Variants in ARHGEF26 observed in about 807,000 individuals in gnomAD.
The protein encoded by ARHGEF26 is Rho guanine nucleotide exchange factor (GEF) 26.
A neutral mutation model predicts 89.4 loss-of-function variants in ARHGEF26; 59 were observed. The ratio of observed to expected loss-of-function variants is 0.66; its 90% CI spans 0.54 to 0.82. The LOEUF is 0.82. ARHGEF26 is among the 40% of genes least tolerant of loss of function. ARHGEF26 has a pLI of 0.00. For synonymous variants in ARHGEF26, 500 were observed against 428.4 expected, an observed-to-expected ratio of 1.17 and a Z score of -2.06; for missense variants, 1,234 against 1,085.6, an observed-to-expected ratio of 1.14 and a Z score of -1.92.
At chr3:154,211,233 C>G (rs898967887) in intron 9 of ARHGEF26, among the ~76,000 whole-genome samples, 1 of 152,130 alleles carries the variant, frequency 6.6e-6, no homozygotes, top group African/African-American at 2.4e-5. Flanking sequence ...CTAATTGTCA[C>G]AGTCCTTATG....
chr3:154,166,970 C>T (rs1712081429), intron 6 of ARHGEF26, among the ~76,000 whole-genome samples: 1 of 152,102 alleles, frequency 6.6e-6, no homozygotes, highest in Non-Finnish European at 1.5e-5. Context: ...ACTGTATGCA[C>T]CAGTACCTAT....
chr3:154,218,422 AT>A (rs1430175732), intron 10 of ARHGEF26, among the ~76,000 whole-genome samples: 1 of 152,116 alleles, frequency 6.6e-6, no homozygotes, highest in Non-Finnish European at 1.5e-5. Flanking sequence ...TTCTCTCATA[AT>A]TTTTTTGAAT....
chr3:154,149,397 A>G lies in ARHGEF26; in HGVS notation c.1278A>G (p.Arg426=). ...STWSQLSAVK[R]KGLSQTVSQE... ...TTTGCTTTTTCTCCTAGGTGAAAAG[A>G]AAGGGATTATCTCAGACAGTAAGCC... is the stretch of plus-strand genomic sequence containing the variant. Residue 426 remains arginine (R), a synonymous_variant, in exon 5 of 15, where the codon AGA becomes AGG. Coordinates refer to ENST00000465093, the MANE Select transcript of ARHGEF26 (RefSeq NM_015595.4). The G allele has an allele frequency of 6.2e-7, 1 of 1,606,310 alleles. No homozygotes were observed. The highest frequency in any genetic ancestry group is 8.5e-7 in the Non-Finnish European group (1 of 1,176,032).
intron 9 of ARHGEF26, among the ~76,000 whole-genome samples, chr3:154,195,495 G>A (rs1714235649): frequency 6.6e-6 from 1 of 152,184 alleles, no homozygotes; most frequent in Non-Finnish European, 1.5e-5. Context: ...GGCCCCTATT[G>A]ACATGATGGT....
At position 154,255,459 on chromosome 3, in the gene ARHGEF26, G is replaced by C; in HGVS notation, c.2602G>C (p.Glu868Gln). 1 of 1,613,366 alleles carries C rather than the reference G, an allele frequency of 6.2e-7. No homozygotes were observed. The highest frequency in any genetic ancestry group is 8.5e-7 in the Non-Finnish European group (1 of 1,179,566). The stretch of plus-strand genomic sequence containing the variant: ...GAGAATGGGACGCTTGCTAGGACTG[G>C]AGACCAACGTGTAGTCTCTCAGATG... Reference protein sequence around the residue: ...VERMGRLLGLETNV With the variant: ...VERMGRLLGLQTNV The change falls in exon 15 of 15, where the codon GAG (glutamate) becomes CAG (glutamine). Residue 868 changes from glutamate to glutamine, a missense_variant. By Grantham distance (29) the Glu-to-Gln change is conservative. Coordinates refer to ENST00000465093, the MANE Select transcript of ARHGEF26 (RefSeq NM_015595.4).
chr3:154,254,272 A>G (rs1718341370), intron 13 of ARHGEF26, among the ~76,000 whole-genome samples: 1 of 152,156 alleles, frequency 6.6e-6, no homozygotes, highest in South Asian at 2.1e-4. Context: ...GTTGGAGCTC[A>G]TTTTATTTCT....
At chr3:154,179,083 A>ACTAGATGTTTCATTATACAAGCC (rs1439107446) in intron 6 of ARHGEF26, among the ~76,000 whole-genome samples, 3 of 152,200 alleles carry the variant, frequency 2.0e-5, no homozygotes, top group Non-Finnish European at 4.4e-5. Flanking sequence ...TTATACAAGC[A>ACTAGATGTTTCATTATACAAGCC]CTAGATGTTT....
At chr3:154,198,646 G>GT (rs1326411242) in intron 9 of ARHGEF26, among the ~76,000 whole-genome samples, 2 of 151,978 alleles carry the variant, frequency 1.3e-5, no homozygotes, top group African/African-American at 4.8e-5. Flanking sequence ...CAAATATCAT[G>GT]TGTTCTGACT....
intron 9 of ARHGEF26, among the ~76,000 whole-genome samples, chr3:154,202,132 T>C (rs1177442853): frequency 6.6e-6 from 1 of 152,164 alleles, no homozygotes; most frequent in African/African-American, 2.4e-5. Flanking sequence ...GTTTTTATGG[T>C]TTTAGGTCTA....
At chr3:154,217,322 A>G (rs1039076512) in intron 9 of ARHGEF26, among the ~76,000 whole-genome samples, 24 of 151,758 alleles carry the variant, frequency 1.6e-4, no homozygotes, top group Non-Finnish European at 4.4e-5. Flanking sequence ...TTTTGGCTGC[A>G]TAAATGTCTT....
chr3:154,124,721 G>C (rs542833531), intron 3 of ARHGEF26, among the ~76,000 whole-genome samples: 8 of 152,180 alleles, frequency 5.3e-5, no homozygotes, highest in African/African-American at 1.7e-4. Flanking sequence ...CCATCCCCAT[G>C]TTCCTCAGGA....
Position 154,255,416 on chromosome 3 carries a change from A to G in ARHGEF26, c.2559A>G (p.Thr853=). 1.9e-6 allele frequency: 3 copies of G among 1,613,770 alleles called. No individual in the cohort carries two copies. The highest frequency in any genetic ancestry group is 8.5e-7 in the Non-Finnish European group (1 of 1,179,858). ...ECAKEITCQA[T]IDKNVERMGR... ...CCAAGGAGATAACATGTCAAGCTAC[A>G]ATTGATAAGAATGTGGAGAGAATGG... is the stretch of plus-strand genomic sequence containing the variant. Residue 853 remains threonine (T), a synonymous_variant, in exon 15 of 15, where the codon ACA becomes ACG. Coordinates refer to ENST00000465093, the MANE Select transcript of ARHGEF26 (RefSeq NM_015595.4).
intron 3 of ARHGEF26, among the ~76,000 whole-genome samples, chr3:154,128,706 A>G (rs1441140590): frequency 6.6e-6 from 1 of 152,186 alleles, no homozygotes; most frequent in African/African-American, 2.4e-5. Context: ...GTTCTTCATC[A>G]GAGTCAACAT....
At chr3:154,240,306 A>G (rs1198413858) in intron 11 of ARHGEF26, 64 bp from the exon 12 acceptor site, 1 of 1,326,606 alleles carries the variant, frequency 7.5e-7, no homozygotes, top group Non-Finnish European at 1.0e-6. Context: ...ATGTGCCTCG[A>G]AAACTGACAA....
At chr3:154,200,705 T>C (rs987803605) in intron 9 of ARHGEF26, among the ~76,000 whole-genome samples, 27 of 151,574 alleles carry the variant, frequency 1.8e-4, no homozygotes, top group Non-Finnish European at 2.9e-4. Flanking sequence ...TTTAATAATA[T>C]TGATTCTTCC....
At chr3:154,233,039 G>A (rs1018934069) in intron 11 of ARHGEF26, among the ~76,000 whole-genome samples, 2 of 151,794 alleles carry the variant, frequency 1.3e-5, no homozygotes, top group Admixed American at 1.3e-4. Context: ...TACCATGTTA[G>A]CCAGGATGGT....
chr3:154,165,695 C>T (rs1711974269), intron 6 of ARHGEF26, among the ~76,000 whole-genome samples: 1 of 152,156 alleles, frequency 6.6e-6, no homozygotes, highest in Non-Finnish European at 1.5e-5. Flanking sequence ...ATCACTTTGT[C>T]CCTCTGCATG....
In ARHGEF26 at chr3:154,122,471, AG is replaced by A; in HGVS notation, c.481del (p.Asp161ThrfsTer5). The A allele has an allele frequency of 6.2e-7, 1 of 1,612,490 alleles. No individual in the cohort carries two copies. The highest frequency in any genetic ancestry group is 8.5e-7 in the Non-Finnish European group (1 of 1,179,682). ...GCGCCCGCCCCCTGCACCCCCGAGGAGGACCTTACTGGGTTGACTGCCAGCC... is the reference window on the plus strand; with the variant it reads ...GCGCCCGCCCCCTGCACCCCCGAGGAGACCTTACTGGGTTGACTGCCAGCC... The part of the protein sequence containing the change: ...PNAPAPCTPE[E>X]DLTGLTASPV... On this transcript the variant is annotated frameshift_variant, in exon 2 of 15. Transcript: ENST00000465093. LOFTEE classifies it high-confidence loss of function.
intron 6 of ARHGEF26, among the ~76,000 whole-genome samples, chr3:154,179,131 T>C (rs181479205): frequency 1.9e-4 from 29 of 152,338 alleles, no homozygotes; most frequent in African/African-American, 6.7e-4. Context: ...TTCCTTTTAG[T>C]TATGGACCCC....
Sources: gnomAD v4.1 joint callset for allele counts (sites outside exome capture counted in the v4.1 genomes callset) on GRCh38, gnomAD v4.1.1 for gene constraint, MANE v1.5 for transcripts, NCBI Gene and HGNC (gene_info 2026-07-23, HGNC 2026-07-21) for gene names.